Variants in SPECC1 observed in about 807,000 individuals in gnomAD.
SPECC1 encodes the protein sperm antigen with calponin homology and coiled-coil domains 1.
Under a neutral mutation model 104.1 loss-of-function variants are expected in SPECC1, and 62 were observed. The observed-to-expected ratio is 0.60, with a 90% CI of 0.49 to 0.74. The LOEUF (loss-of-function observed/expected upper bound fraction) is 0.74. Ranked by LOEUF, SPECC1 falls within the 30% of genes least tolerant of loss-of-function variation. The probability of loss-of-function intolerance (pLI) is 0.00; values close to 1 mark genes in which losing one functional copy is unlikely to be tolerated. For synonymous variants in SPECC1, 513 were observed against 501.6 expected (o/e 1.02, Z -0.30); for missense variants, 1,306 against 1,310.5 (o/e 1.00, Z 0.05).
chr17:20,285,377 T>G (rs894057255), intron 12 of SPECC1, among the ~76,000 whole-genome samples: 1 of 152,204 alleles, frequency 6.6e-6, no homozygotes, highest in Non-Finnish European at 1.5e-5. Context: ...CTCAAATGAC[T>G]TTTGCTTCAT....
At chr17:20,219,679 T>G (rs941177944) in intron 4 of SPECC1, among the ~76,000 whole-genome samples, 18 of 152,216 alleles carry the variant, frequency 1.2e-4, no homozygotes, top group African/African-American at 4.1e-4. Flanking sequence ...CTTTTTAACT[T>G]GATGTGATCT....
chr17:20,170,084 G>C (rs1285181717), intron 3 of SPECC1, among the ~76,000 whole-genome samples: 2 of 152,234 alleles, frequency 1.3e-5, no homozygotes, highest in African/African-American at 2.4e-5. Context: ...AGCCTCTGCT[G>C]TTCCATTGCC....
At chr17:20,226,852 C>T (rs1399848390) in intron 4 of SPECC1, among the ~76,000 whole-genome samples, 1 of 152,142 alleles carries the variant, frequency 6.6e-6, no homozygotes, top group Non-Finnish European at 1.5e-5. Context: ...ATTGCAGCCC[C>T]AAGTATCTTA....
At chr17:20,301,216 C>T in intron 13 of SPECC1, among the ~76,000 whole-genome samples, 1 of 152,058 alleles carries the variant, frequency 6.6e-6, no homozygotes, top group East Asian at 1.9e-4. Flanking sequence ...TAAAACTGAG[C>T]ACACGGGGGG....
chr17:20,035,459 A>G (rs1027524923), intron 1 of SPECC1, among the ~76,000 whole-genome samples: 1 of 152,006 alleles, frequency 6.6e-6, no homozygotes, highest in Non-Finnish European at 1.5e-5. Flanking sequence ...GATTTCTTTT[A>G]TCAGCGTTTT....
In SPECC1 at chr17:20,236,838, C is replaced by T. The variant is rs1400319038; in HGVS notation, c.2351+4433C>T. The T allele has an allele frequency of 2.5e-6, 4 of 1,613,700 alleles. No homozygotes were observed. The African/African-American group carries it at 5.3e-5, about 22-fold the overall frequency. On this transcript the variant is annotated intron_variant, in intron 7 of 14. Transcript: ENST00000395527. ...TTAGGTAACTCCTTTACAGCCTCTC[C>T]CTCCCGTTTCTATTTTCACAGCTCC...
intron 3 of SPECC1, among the ~76,000 whole-genome samples, chr17:20,187,749 T>G (rs1468574193): frequency 6.6e-6 from 1 of 152,184 alleles, no homozygotes; most frequent in Non-Finnish European, 1.5e-5. Context: ...TTTCTGAGAT[T>G]CTGGGTAATA....
intron 4 of SPECC1, among the ~76,000 whole-genome samples, chr17:20,223,061 A>G (rs1391937792): frequency 6.6e-6 from 1 of 151,946 alleles, no homozygotes; most frequent in Non-Finnish European, 1.5e-5. Context: ...ATTGTACTTG[A>G]GTATTAATAT....
At chr17:20,235,323 G>A (rs1195795795) in intron 7 of SPECC1, among the ~76,000 whole-genome samples, 5 of 152,244 alleles carry the variant, frequency 3.3e-5, no homozygotes, top group African/African-American at 1.2e-4. Flanking sequence ...GGACCTAAAA[G>A]TGATCTGTTT....
chr17:20,237,085 A>G (rs1010700914), intron 7 of SPECC1: 23 of 1,418,908 alleles, frequency 1.6e-5, no homozygotes, highest in Non-Finnish European at 1.8e-5. Context: ...AGCTTACTGC[A>G]TGATCAAAGA....
chr17:20,289,073 G>A (rs1260193097), intron 12 of SPECC1, among the ~76,000 whole-genome samples: 2 of 151,996 alleles, frequency 1.3e-5, no homozygotes, highest in African/African-American at 2.4e-5. Flanking sequence ...ATGAGCCGCC[G>A]TGCCTGGCTG....
intron 10 of SPECC1, among the ~76,000 whole-genome samples, chr17:20,257,020 T>C (rs1327458509): frequency 3.3e-5 from 5 of 152,234 alleles, no homozygotes; most frequent in Admixed American, 3.3e-4. Flanking sequence ...GTCAAGTAGT[T>C]CTTCTTGGTT....
At chr17:20,141,926 T>C (rs1328373422) in intron 3 of SPECC1, among the ~76,000 whole-genome samples, 1 of 152,256 alleles carries the variant, frequency 6.6e-6, no homozygotes, top group Admixed American at 6.5e-5. Flanking sequence ...TGGTTTTCTT[T>C]GTTGTGTGAA....
chr17:20,113,359 G>T (rs1245900699), intron 3 of SPECC1, among the ~76,000 whole-genome samples: 1 of 151,934 alleles, frequency 6.6e-6, no homozygotes, highest in Non-Finnish European at 1.5e-5. Context: ...TTAATTTATG[G>T]AAAGCACAAC....
chr17:20,260,210 T>C lies in SPECC1; in HGVS notation c.2856T>C (p.Pro952=), dbSNP rs200091756. The change falls in exon 12 of 15, where the codon CCT becomes CCC. Residue 952 remains proline, a synonymous_variant. Coordinates refer to ENST00000395527, the MANE Select transcript of SPECC1 (RefSeq NM_001243439.2). ...QSKLSVERKD[P]LAALAREYGG... is the part of the protein sequence containing the mutation. ...TAACCAGTGTGGAAAGAAAAGACCCTCTGGCAGCCTTGGCCCGGGAATACG... is the reference window on the plus strand; with the variant it reads ...TAACCAGTGTGGAAAGAAAAGACCCCCTGGCAGCCTTGGCCCGGGAATACG... 20 of 1,613,908 alleles carry C rather than the reference T, an allele frequency of 1.2e-5. No homozygotes were observed. The East Asian group carries it at 4.2e-4, about 34-fold the overall frequency.
At chr17:20,191,899 TTC>T (rs2035696982) in intron 3 of SPECC1, among the ~76,000 whole-genome samples, 1 of 152,150 alleles carries the variant, frequency 6.6e-6, no homozygotes, top group Admixed American at 6.6e-5. Flanking sequence ...GAGTTGTCTA[TTC>T]AGGTGTTTTT....
intron 3 of SPECC1, among the ~76,000 whole-genome samples, chr17:20,150,456 A>G (rs181962101): frequency 6.6e-6 from 1 of 151,756 alleles, no homozygotes; most frequent in East Asian, 2.0e-4. Flanking sequence ...CCTGACCAAC[A>G]TGGAGAAATC....
intron 7 of SPECC1, among the ~76,000 whole-genome samples, chr17:20,234,186 G>A (rs1344617713): frequency 6.6e-6 from 1 of 152,046 alleles, no homozygotes; most frequent in Non-Finnish European, 1.5e-5. Context: ...AGCACAGAAT[G>A]TTTCTTTTTT....
At chr17:20,310,857 TG>T (rs1252607909) in intron 14 of SPECC1, among the ~76,000 whole-genome samples, 17 of 152,086 alleles carry the variant, frequency 1.1e-4, no homozygotes, top group Non-Finnish European at 1.9e-4. Context: ...ACAAGCATTT[TG>T]TTTTTCATAT....
Sources: allele counts gnomAD v4.1 joint callset (sites outside exome capture counted in the v4.1 genomes callset), GRCh38; gene constraint gnomAD v4.1.1; transcripts MANE v1.5; gene names NCBI Gene and HGNC (gene_info 2026-07-23, HGNC 2026-07-21).